TENM3: variants seen among roughly 807,000 people sequenced by gnomAD.
TENM3 encodes the protein teneurin-3.
Under a neutral mutation model 255.1 loss-of-function variants are expected in TENM3, and 63 were observed. That is an observed-to-expected ratio of 0.25 (90% CI 0.20 to 0.30). TENM3 has a LOEUF of 0.30. Among genes scored for constraint, TENM3 ranks in the 10% least tolerant of loss-of-function variants. The pLI, the probability that TENM3 is intolerant of heterozygous loss-of-function variation, is 1.00. For synonymous variants in TENM3, 1,306 were observed against 1,322.3 expected, an observed-to-expected ratio of 0.99 and a Z score of 0.27; for missense variants, 2,929 against 3,461.1, an observed-to-expected ratio of 0.85 and a Z score of 3.86.
Position 182,628,855 on chromosome 4 carries a change from G to A in TENM3, c.954G>A (p.Ser318=), listed in dbSNP as rs557307443. ...CTGCACTGTGTGCCGTAGGGGTCTCGGTGCTCCTGGCAATACTCCTGTCTT... is the reference window on the plus strand; with the variant it reads ...CTGCACTGTGTGCCGTAGGGGTCTCAGTGCTCCTGGCAATACTCCTGTCTT... The part of the protein sequence containing the change: ...KCTALCAVGV[S]VLLAILLSYF... Residue 318 remains serine, a synonymous_variant, in exon 5 of 28, where the codon TCG becomes TCA. Coordinates refer to ENST00000511685, the MANE Select transcript of TENM3 (RefSeq NM_001080477.4). 6.5e-5 allele frequency: 104 copies of A among 1,607,116 alleles called. 3 individuals are homozygous for A. The South Asian group carries it at 1.0e-3, about 16-fold the overall frequency.
chr4:181,914,838 A>G, the TENM3 span, among the ~76,000 whole-genome samples: 1 of 152,346 alleles, frequency 6.6e-6, no homozygotes, highest in African/African-American at 2.4e-5. Flanking sequence ...GACCGTGGAC[A>G]GGAGACCATA....
the TENM3 span, among the ~76,000 whole-genome samples, chr4:181,620,872 A>AT: frequency 6.6e-6 from 1 of 152,214 alleles, no homozygotes; most frequent in East Asian, 1.9e-4. Flanking sequence ...CTCAAATAGA[A>AT]TTTTTTAATG....
the TENM3 span, among the ~76,000 whole-genome samples, chr4:182,050,273 G>A: frequency 2.6e-5 from 4 of 152,084 alleles, no homozygotes; most frequent in East Asian, 1.9e-4. Flanking sequence ...GATTACAGGC[G>A]TGAGCCACCA....
chr4:182,145,775 T>C (rs1215398428), intron 1 of TENM3, among the ~76,000 whole-genome samples: 2 of 152,202 alleles, frequency 1.3e-5, no homozygotes, highest in Non-Finnish European at 2.9e-5. Flanking sequence ...ACGGCTGGGA[T>C]GCCCGAGAAC....
At chr4:181,865,391 G>C in the TENM3 span, among the ~76,000 whole-genome samples, 4 of 152,186 alleles carry the variant, frequency 2.6e-5, no homozygotes, top group African/African-American at 9.6e-5. Flanking sequence ...TGTTGCCGAT[G>C]ATGATGGCCC....
the TENM3 span, among the ~76,000 whole-genome samples, chr4:181,582,082 C>G: frequency 3.9e-5 from 6 of 152,306 alleles, no homozygotes; most frequent in East Asian, 1.2e-3. Context: ...TGAGCACAAG[C>G]TCATATTGTA....
the TENM3 span, among the ~76,000 whole-genome samples, chr4:181,696,752 C>T: frequency 4.6e-5 from 7 of 152,104 alleles, no homozygotes; most frequent in South Asian, 2.1e-4. Flanking sequence ...GACTGAGGCT[C>T]GGGAATTGAA....
the TENM3 span, among the ~76,000 whole-genome samples, chr4:181,533,662 T>G: frequency 6.6e-6 from 1 of 152,072 alleles, no homozygotes; most frequent in Non-Finnish European, 1.5e-5. Context: ...TGTAAGCTAC[T>G]GCCAAATCCA....
At chr4:181,753,542 A>AT in the TENM3 span, among the ~76,000 whole-genome samples, 1 of 151,552 alleles carries the variant, frequency 6.6e-6, no homozygotes. Context: ...AAAAAAAAAA[A>AT]GATGGATTTA....
At chr4:182,711,526 A>T (rs957445191) in intron 12 of TENM3, 30 of 912,590 alleles carry the variant, frequency 3.3e-5, no homozygotes, top group Non-Finnish European at 3.0e-5. Context: ...GTCCCATGTG[A>T]CACTTCTGAA....
At position 182,800,742 on chromosome 4, in the gene TENM3, CAAG is replaced by C. The variant is rs755782179; in HGVS notation, c.*395_*397del. 2.7e-4 allele frequency: 43 copies of C among 162,260 alleles called. 1 individual carries two copies. Among genetic ancestry groups the C allele is most frequent in the Admixed American group, 1.7e-3 (29 of 16,934 alleles). The allele number at this position is 162,260 out of a possible 1,614,324, so 10.1% of individuals were successfully genotyped here. A position where few individuals can be genotyped will look rare whatever the true frequency, so the allele number is the denominator to read the frequency against. On this transcript the variant is annotated 3_prime_UTR_variant, in exon 28 of 28. Transcript: ENST00000511685. ...GTCCCGAATTGTCGACCTTTGCTTACAAGAAGTAGTCTGTCTGCATAGGATGTG... is the reference window on the plus strand; with the variant it reads ...GTCCCGAATTGTCGACCTTTGCTTACAAGTAGTCTGTCTGCATAGGATGTG...
chr4:182,343,741 T>C (rs543900765), intron 2 of TENM3, among the ~76,000 whole-genome samples: 3 of 150,670 alleles, frequency 2.0e-5, no homozygotes, highest in East Asian at 4.0e-4. Flanking sequence ...TCCATCAGCA[T>C]AGTGTATCTT....
At chr4:181,996,519 A>G in the TENM3 span, among the ~76,000 whole-genome samples, 1 of 152,184 alleles carries the variant, frequency 6.6e-6, no homozygotes, top group African/African-American at 2.4e-5. Context: ...GGGAACATAG[A>G]GAGAACCAGG....
At chr4:181,651,082 T>G in the TENM3 span, among the ~76,000 whole-genome samples, 1 of 152,220 alleles carries the variant, frequency 6.6e-6, no homozygotes, top group Non-Finnish European at 1.5e-5. Flanking sequence ...ACTGAAATTT[T>G]GGGAATAAAA....
chr4:182,640,647 G>A (rs906135716), intron 5 of TENM3, among the ~76,000 whole-genome samples: 6 of 152,110 alleles, frequency 3.9e-5, no homozygotes, highest in Admixed American at 6.6e-5. Context: ...AAGAAAGTGG[G>A]CCATTTATTT....
chr4:182,177,151 T>C (rs1752546831), intron 1 of TENM3, among the ~76,000 whole-genome samples: 1 of 152,144 alleles, frequency 6.6e-6, no homozygotes, highest in Non-Finnish European at 1.5e-5. Context: ...TGTGCTCTGG[T>C]GCTCAGGTGG....
the TENM3 span, among the ~76,000 whole-genome samples, chr4:181,740,323 T>C: frequency 1.3e-5 from 2 of 152,210 alleles, no homozygotes; most frequent in Non-Finnish European, 1.5e-5. Flanking sequence ...AATTCAGTTT[T>C]GATTATTTTT....
chr4:181,949,953 C>A, the TENM3 span, among the ~76,000 whole-genome samples: 11 of 152,174 alleles, frequency 7.2e-5, no homozygotes, highest in South Asian at 2.1e-4. Context: ...ACCTGACCAT[C>A]CTAACTGAAA....
chr4:182,590,246 C>T (rs1746465026), intron 3 of TENM3, among the ~76,000 whole-genome samples: 1 of 151,980 alleles, frequency 6.6e-6, no homozygotes, highest in Non-Finnish European at 1.5e-5. Flanking sequence ...TTTAAAGTTT[C>T]CTCTTTGAAT....
Sources: allele counts gnomAD v4.1 joint callset (sites outside exome capture counted in the v4.1 genomes callset), GRCh38; gene constraint gnomAD v4.1.1; transcripts MANE v1.5; gene names NCBI Gene and HGNC (gene_info 2026-07-23, HGNC 2026-07-21).